GOLGA8H: variants seen among roughly 807,000 people sequenced by gnomAD.
The protein encoded by GOLGA8H is golgin A8 family member H, also known as golgin subfamily A member 8H.
Under a neutral mutation model 82.7 loss-of-function variants are expected in GOLGA8H, and 47 were observed. The ratio of observed to expected loss-of-function variants is 0.57; its 90% CI spans 0.45 to 0.73. The LOEUF (loss-of-function observed/expected upper bound fraction) is 0.73. GOLGA8H is among the 30% of genes least tolerant of loss of function. The pLI, the probability that GOLGA8H is intolerant of heterozygous loss-of-function variation, is 0.00. For missense variants in GOLGA8H, 372 were observed against 661.0 expected (o/e 0.56, Z 4.79); for synonymous variants, 108 against 241.6 (o/e 0.45, Z 5.13).
rs890330399 is a variant in GOLGA8H at position 30,615,259 on chromosome 15, G to A, written c.*698G>A. ...GGATAGAGTGTGTTTCATCTGTTCC[G>A]GTGCCAGGAATTAGCAGTGTATTAT... On this transcript the variant is annotated 3_prime_UTR_variant, in exon 19 of 19. Transcript: ENST00000566740. 1.3e-4 allele frequency among the ~76,000 whole-genome samples: 20 copies of A among 151,646 alleles called. No individual in the cohort carries two copies. Among genetic ancestry groups the A allele is most frequent in the African/African-American group, 4.1e-4 (17 of 41,254 alleles).
intron 4 of GOLGA8H, chr15:30,607,673 G>A (rs545936834): frequency 4.5e-5 from 24 of 533,438 alleles, no homozygotes; most frequent in Admixed American, 1.9e-4. Context: ...CTGCTGTAAA[G>A]AACCGTACCT....
At chr15:30,608,800 C>G (rs2059969019) in intron 8 of GOLGA8H, 44 bp downstream of exon 8, 1 of 1,360,506 alleles carries the variant, frequency 7.4e-7, no homozygotes, top group South Asian at 1.2e-5. Flanking sequence ...CCTGGCTTTG[C>G]AGATGGAGGA....
At chr15:30,606,496 A>G (rs1159455294) in intron 2 of GOLGA8H, among the ~76,000 whole-genome samples, 2 of 151,498 alleles carry the variant, frequency 1.3e-5, no homozygotes, top group East Asian at 3.9e-4. Flanking sequence ...TTTCACTTCC[A>G]TTTGTGAAAT....
At chr15:30,608,578 T>C in intron 7 of GOLGA8H, 27 bp downstream of exon 7, 1 of 1,607,338 alleles carries the variant, frequency 6.2e-7, no homozygotes, top group Non-Finnish European at 8.5e-7. Context: ...CCTGTCATCC[T>C]TCAACCTGGC....
At chr15:30,606,061 A>G (rs985744481) in intron 2 of GOLGA8H, 99 bp downstream of exon 2, 3 of 1,513,820 alleles carry the variant, frequency 2.0e-6, no homozygotes, top group African/African-American at 2.8e-5. Flanking sequence ...ACTGGTTAAG[A>G]ATTCTGGCTT....
Position 30,608,366 on chromosome 15 carries a change from A to C in GOLGA8H, c.384A>C (p.Lys128Asn), listed in dbSNP as rs967007202. ...KKANNKKQKA[K>N]RVLEVQIQTL... ...CAAACAACAAGAAACAGAAAGCCAA[A>C]AGGGTGCTAGAGGTGAGTGGAGGGT... The change falls in exon 6 of 19, where the codon AAA becomes AAC. Residue 128 changes from lysine (K) to asparagine (N), a missense_variant. By Grantham distance (94) the Lys-to-Asn change is moderately conservative. Coordinates refer to ENST00000566740, the MANE Select transcript of GOLGA8H (RefSeq NM_001282490.2). 45 of 1,578,072 alleles carry C rather than the reference A, an allele frequency of 2.9e-5. No individual in the cohort carries two copies. Among genetic ancestry groups the C allele is most frequent in the Middle Eastern group, 1.8e-4 (1 of 5,526 alleles).
At position 30,617,505 on chromosome 15, in the gene GOLGA8H, A is replaced by ATTT; in HGVS notation, c.*2944_*2945insTTT. ...TATCTTAATGTTCTGAAATAATTTA[A>ATTT]AACATTTTAAAATATGAATACTGTA... is the stretch of plus-strand genomic sequence containing the variant. On this transcript the variant is annotated 3_prime_UTR_variant, in exon 19 of 19. Transcript: ENST00000566740. 6.6e-6 allele frequency: 1 copy of ATTT among 150,688 alleles called. No homozygotes were observed. Among genetic ancestry groups the ATTT allele is most frequent in the South Asian group, 2.1e-4 (1 of 4,742 alleles). 9.3% of individuals were successfully genotyped at this position (150,688 alleles called of 1,614,324 possible).
In GOLGA8H at chr15:30,610,110, A is replaced by C. The variant is rs754261298; in HGVS notation, c.786+4A>C. ...GATGAGAAAAATGTCGCAGGAGGTG[A>C]GATCTCACCCTTCAGCCCCCCCACA... On this transcript the variant is annotated splice_donor_region_variant and intron_variant, in intron 10 of 18. Coordinates refer to ENST00000566740, the MANE Select transcript of GOLGA8H (RefSeq NM_001282490.2). 1.9e-6 allele frequency: 3 copies of C among 1,610,760 alleles called. No homozygotes were observed. In the African/African-American group the frequency reaches 4.0e-5, roughly 22 times the overall value.
rs1171772636 is a variant in GOLGA8H, at chr15:30,614,734, G to GT, written c.*174dup. Among the ~76,000 whole-genome samples, 1 of 146,420 alleles carries GT rather than the reference G, an allele frequency of 6.8e-6. No individual in the cohort carries two copies. Among genetic ancestry groups the GT allele is most frequent in the East Asian group, 2.0e-4 (1 of 4,942 alleles). Reference sequence around the variant, plus strand: ...TTTGTAAAAAGTTAAAAGAGAGTGGGTGTCTGTGGCTCTCACTGATGTTCA... The same window carrying GT: ...TTTGTAAAAAGTTAAAAGAGAGTGGGTTGTCTGTGGCTCTCACTGATGTTCA... On this transcript the variant is annotated 3_prime_UTR_variant, in exon 19 of 19. Coordinates refer to ENST00000566740, the MANE Select transcript of GOLGA8H (RefSeq NM_001282490.2).
At chr15:30,605,744 T>C in intron 1 of GOLGA8H, 99 bp from the exon 2 acceptor site, 3 of 1,541,282 alleles carry the variant, frequency 1.9e-6, no homozygotes, top group Non-Finnish European at 1.7e-6. Context: ...TGTCATTAAA[T>C]CAGATGGTGT....
At chr15:30,610,196 G>C (rs2059996326) in intron 10 of GOLGA8H, 90 bp downstream of exon 10, 20 of 1,551,418 alleles carry the variant, frequency 1.3e-5, no homozygotes, top group Non-Finnish European at 1.6e-5. Context: ...AGCCAGAGGT[G>C]GTCATGGGTC....
At position 30,608,075 on chromosome 15, in the gene GOLGA8H, T is replaced by G; in HGVS notation, c.348+7T>G. On this transcript the variant is annotated splice_region_variant and intron_variant, in intron 5 of 18. Transcript: ENST00000566740. ...GGAACATCAGCTGGAAGAAGTAACGTGATTTCGTTTCCTCGCAACATGACT... is the reference window on the plus strand; with the variant it reads ...GGAACATCAGCTGGAAGAAGTAACGGGATTTCGTTTCCTCGCAACATGACT... The G allele has an allele frequency of 1.3e-6, 2 of 1,584,338 alleles. No homozygotes were observed. Among genetic ancestry groups the G allele is most frequent in the South Asian group, 1.1e-5 (1 of 90,676 alleles).
At position 30,605,908 on chromosome 15, in the gene GOLGA8H, A is replaced by G; in HGVS notation, c.114A>G (p.Thr38=). The change falls in exon 2 of 19, where the codon ACA becomes ACG. Residue 38 remains threonine, a synonymous_variant. Coordinates refer to ENST00000566740, the MANE Select transcript of GOLGA8H (RefSeq NM_001282490.2). ...VPAGANRNRK[T]NGSVPEKATS... Reference sequence around the variant, plus strand: ...CAGGAGCGAACAGGAACAGGAAAACAAATGGCAGTGTCCCTGAGAAAGCCA... The same window carrying G: ...CAGGAGCGAACAGGAACAGGAAAACGAATGGCAGTGTCCCTGAGAAAGCCA... The G allele has an allele frequency of 6.3e-7, 1 of 1,592,774 alleles. No homozygotes were observed. Among genetic ancestry groups the G allele is most frequent in the Non-Finnish European group, 8.5e-7 (1 of 1,175,638 alleles).
chr15:30,610,595 C>T lies in GOLGA8H; in HGVS notation c.875-171C>T, dbSNP rs140184327. On this transcript the variant is annotated intron_variant, in intron 11 of 18. Transcript: ENST00000566740. The stretch of plus-strand genomic sequence containing the variant: ...AGGAAAGAGGGCCCGTTGCCAGCCA[C>T]CCGCAGTGCTCTTTCTCTGAATGTG... Among the ~76,000 whole-genome samples, 49 of 150,504 alleles carry T rather than the reference C, an allele frequency of 3.3e-4. 1 individual carries two copies. Among genetic ancestry groups the T allele is most frequent in the African/African-American group, 1.2e-3 (49 of 40,110 alleles).
Position 30,604,112 on chromosome 15 carries a change from C to T in GOLGA8H, c.-14C>T. ...CTGCTGTGACCCCAACCCTGCCTCC[C>T]TCCCCACCCTGCGATGGCAGAAGAA... On this transcript the variant is annotated 5_prime_UTR_variant, in exon 1 of 19. Coordinates refer to ENST00000566740, the MANE Select transcript of GOLGA8H (RefSeq NM_001282490.2). The T allele has an allele frequency of 2.0e-6, 3 of 1,530,086 alleles. No individual in the cohort carries two copies. The highest frequency in any genetic ancestry group is 1.2e-5 in the South Asian group (1 of 84,238). 94.8% of individuals were successfully genotyped at this position (1,530,086 alleles called of 1,614,324 possible).
Position 30,615,181 on chromosome 15 carries a change from G to A in GOLGA8H, c.*620G>A, listed in dbSNP as rs1299317456. Among the ~76,000 whole-genome samples, 4 of 151,920 alleles carry A rather than the reference G, an allele frequency of 2.6e-5. No individual in the cohort carries two copies. The highest frequency in any genetic ancestry group is 2.6e-4 in the Admixed American group (4 of 15,238). On this transcript the variant is annotated 3_prime_UTR_variant, in exon 19 of 19. Coordinates refer to ENST00000566740, the MANE Select transcript of GOLGA8H (RefSeq NM_001282490.2). ...ATGGGAGTGATAACCTTTTGGGGGA[G>A]CTTTTTAAATCTCACAGAAGAGGAA...
chr15:30,610,029 G>T lies in GOLGA8H; in HGVS notation c.709G>T (p.Glu237Ter). ...GGAGTCATTTCAACAAGTCCAATTA[G>T]AAAGAGATGAGTGTGCTGAACATCT... ...LKESFQQVQL[E>*]RDECAEHLKG... is the part of the protein sequence containing the mutation. The change falls in exon 10 of 19, where the codon GAA becomes TAA. Residue 237 changes from glutamate (E) to a stop codon, truncating the protein, a stop_gained. Transcript: ENST00000566740. LOFTEE classifies it high-confidence loss of function. 1 of 1,611,666 alleles carries T rather than the reference G, an allele frequency of 6.2e-7. No homozygotes were observed. Among genetic ancestry groups the T allele is most frequent in the Non-Finnish European group, 8.5e-7 (1 of 1,179,726 alleles).
Position 30,612,592 on chromosome 15 carries a change from C to A in GOLGA8H, c.1201-5C>A. On this transcript the variant is annotated splice_polypyrimidine_tract_variant and splice_region_variant and intron_variant, in intron 13 of 18. Transcript: ENST00000566740. Reference sequence around the variant, plus strand: ...ACCCCTTCTCACTCTGTCCTGGCCCCTTAGGAGCACCTGGAAGCTGCCAGC... The same window carrying A: ...ACCCCTTCTCACTCTGTCCTGGCCCATTAGGAGCACCTGGAAGCTGCCAGC... The A allele has an allele frequency of 1.3e-6, 2 of 1,596,804 alleles. No individual in the cohort carries two copies. Among genetic ancestry groups the A allele is most frequent in the East Asian group, 2.2e-5 (1 of 44,722 alleles).
rs758839909 is a variant in GOLGA8H, at chr15:30,608,516, T to G, written c.446T>G (p.Leu149Arg). The change falls in exon 7 of 19, where the codon CTG becomes CGG. Residue 149 changes from leucine (L) to arginine (R), a missense_variant. By Grantham distance (102) the Leu-to-Arg change is moderately radical (BLOSUM62 -2). Coordinates refer to ENST00000566740, the MANE Select transcript of GOLGA8H (RefSeq NM_001282490.2). Reference protein sequence around the residue: ...NIQKGKLNTDLYHMKRSLRYF... With the variant: ...NIQKGKLNTDRYHMKRSLRYF... ...CAGAAAGGGAAACTAAATACGGACC[T>G]GTACCACATGAAACGTTCTCTCAGA... 1 of 1,610,910 alleles carries G rather than the reference T, an allele frequency of 6.2e-7. No individual in the cohort carries two copies. Among genetic ancestry groups the G allele is most frequent in the Admixed American group, 1.7e-5 (1 of 59,950 alleles).
Sources: allele counts gnomAD v4.1 joint callset (sites outside exome capture counted in the v4.1 genomes callset), GRCh38; gene constraint gnomAD v4.1.1; transcripts MANE v1.5; gene names NCBI Gene and HGNC (gene_info 2026-07-23, HGNC 2026-07-21).